The following SH3KBP1 variants were observed in gnomAD, a reference collection of about 807,000 sequenced individuals.
SH3KBP1 encodes the protein SH3 domain containing kinase binding protein 1.
In SH3KBP1, 8 loss-of-function variants were observed where a neutral mutation model predicts 50.1. The observed-to-expected ratio is 0.16, with a 90% CI of 0.09 to 0.29. The LOEUF is 0.29. Ranked by LOEUF, SH3KBP1 falls within the 10% of genes least tolerant of loss-of-function variation. The pLI is 1.00. For synonymous variants in SH3KBP1, 227 were observed against 218.6 expected (o/e 1.04, Z -0.34); for missense variants, 377 against 535.2 (o/e 0.70, Z 2.92).
chrX:19,589,346 G>A (rs1352163828), intron 11 of SH3KBP1, among the ~76,000 whole-genome samples: 1 of 111,519 alleles, frequency 9.0e-6, no homozygotes, highest in Admixed American at 9.5e-5. Context: ...AATGGCCCAC[G>A]GGACCTGCTG....
In SH3KBP1 at chrX:19,617,927, A is replaced by C. The variant is rs746445909; in HGVS notation, c.898-9882T>G. The stretch of plus-strand genomic sequence containing the variant: ...AAAAAACAAAAACAAAAACAAAAAA[A>C]CCTTAAACCAAATCTCAGTCCCTAG... On this transcript the variant is annotated intron_variant, in intron 8 of 17. Coordinates refer to ENST00000397821, the MANE Select transcript of SH3KBP1 (RefSeq NM_031892.3). Among the ~76,000 whole-genome samples, 28 of 111,556 alleles carry C rather than the reference A, an allele frequency of 2.5e-4. 1 individual carries two copies. In the South Asian group the frequency reaches 5.7e-3, roughly 23 times the overall value.
chrX:19,872,484 A>C (rs183440875), intron 1 of SH3KBP1, among the ~76,000 whole-genome samples: 1 of 109,771 alleles, frequency 9.1e-6, no homozygotes, highest in East Asian at 2.9e-4. Flanking sequence ...TAGAAGTATC[A>C]GTTGGGGCCG....
chrX:19,645,716 C>T (rs1341381136), intron 6 of SH3KBP1, among the ~76,000 whole-genome samples: 1 of 111,931 alleles, frequency 8.9e-6, no homozygotes, highest in African/African-American at 3.3e-5. Context: ...AGCGTTTATT[C>T]TCTTTCTTCC....
At chrX:19,867,189 G>A (rs2068934189) in intron 1 of SH3KBP1, among the ~76,000 whole-genome samples, 1 of 111,552 alleles carries the variant, frequency 9.0e-6, no homozygotes, top group Non-Finnish European at 1.9e-5. Context: ...AGGGAAACTA[G>A]TGCTCACAGA....
At chrX:19,542,900 G>A (rs750399905) in intron 15 of SH3KBP1, among the ~76,000 whole-genome samples, 1 of 112,033 alleles carries the variant, frequency 8.9e-6, no homozygotes, top group African/African-American at 3.2e-5. Flanking sequence ...CTAGGCGAAA[G>A]GGTGAGAGGA....
intron 14 of SH3KBP1, among the ~76,000 whole-genome samples, chrX:19,547,045 G>A (rs1374373456): frequency 1.1e-4 from 12 of 110,015 alleles, no homozygotes; most frequent in African/African-American, 3.0e-4. Context: ...CCAGCTACTC[G>A]GGAGGCTGAG....
At chrX:19,575,199 T>C (rs2066160518) in intron 12 of SH3KBP1, among the ~76,000 whole-genome samples, 2 of 112,637 alleles carry the variant, frequency 1.8e-5, no homozygotes, top group South Asian at 3.7e-4. Flanking sequence ...TGCTTGTAGC[T>C]ACTAGACGCT....
intron 8 of SH3KBP1, among the ~76,000 whole-genome samples, chrX:19,620,119 T>A (rs1216743747): frequency 1.8e-5 from 2 of 112,529 alleles, no homozygotes; most frequent in South Asian, 3.6e-4. Context: ...ATGGTAGCTA[T>A]GAGAGAAAAT....
At chrX:19,622,225 AATG>A (rs2067860764) in intron 8 of SH3KBP1, among the ~76,000 whole-genome samples, 1 of 112,424 alleles carries the variant, frequency 8.9e-6, no homozygotes, top group South Asian at 3.6e-4. Flanking sequence ...ATCAATTGGA[AATG>A]ATGCATAAAA....
intron 1 of SH3KBP1, among the ~76,000 whole-genome samples, chrX:19,843,066 T>C (rs1343296662): frequency 1.1e-5 from 1 of 90,935 alleles, no homozygotes; most frequent in Non-Finnish European, 2.1e-5. Flanking sequence ...TCCCCTGGGC[T>C]GGAGTGCAAT....
At chrX:19,818,348 T>C (rs770292524) in intron 2 of SH3KBP1, among the ~76,000 whole-genome samples, 50 of 112,574 alleles carry the variant, frequency 4.4e-4, no homozygotes, top group Non-Finnish European at 7.3e-4. Flanking sequence ...GATGTTCTAC[T>C]GGAGAATCAC....
intron 2 of SH3KBP1, chrX:19,747,599 CAA>C: frequency 2.9e-6 from 1 of 341,430 alleles, no homozygotes; most frequent in East Asian, 9.8e-5. Context: ...AAGAAAGCAA[CAA>C]AAGTTTGTCA....
chrX:19,755,798 A>G (rs2065192305), intron 2 of SH3KBP1, among the ~76,000 whole-genome samples: 2 of 112,037 alleles, frequency 1.8e-5, no homozygotes, highest in African/African-American at 6.5e-5. Context: ...CTAACCGGTT[A>G]TGTTATCTAT....
At chrX:19,697,883 A>G (rs930708602) in intron 4 of SH3KBP1, among the ~76,000 whole-genome samples, 39 of 112,077 alleles carry the variant, frequency 3.5e-4, no homozygotes, top group Non-Finnish European at 5.3e-4. Context: ...ATACAGACTT[A>G]CAGAGTGGCA....
intron 13 of SH3KBP1, among the ~76,000 whole-genome samples, chrX:19,559,503 G>A: frequency 9.4e-6 from 1 of 106,208 alleles, no homozygotes; most frequent in East Asian, 3.1e-4. Context: ...AAAGTTTTTT[G>A]TATCTTTAGT....
chrX:19,554,871 G>C (rs1293756908), intron 13 of SH3KBP1, among the ~76,000 whole-genome samples: 4 of 112,890 alleles, frequency 3.5e-5, no homozygotes, highest in Non-Finnish European at 5.6e-5. Flanking sequence ...CATAGACCAT[G>C]AACTGTAATG....
intron 3 of SH3KBP1, among the ~76,000 whole-genome samples, chrX:19,730,910 CTTTCA>C (rs1334970450): frequency 2.7e-5 from 3 of 111,929 alleles, no homozygotes; most frequent in Admixed American, 9.4e-5. Context: ...ACTCTATACA[CTTTCA>C]TTTATTTTAT....
At chrX:19,865,199 T>C (rs1463665907) in intron 1 of SH3KBP1, among the ~76,000 whole-genome samples, 1 of 112,381 alleles carries the variant, frequency 8.9e-6, no homozygotes, top group African/African-American at 3.2e-5. Flanking sequence ...TGCACCTAAG[T>C]ATGGTGATGA....
chrX:19,657,756 G>A (rs1386848825), intron 6 of SH3KBP1, among the ~76,000 whole-genome samples: 1 of 108,418 alleles, frequency 9.2e-6, no homozygotes, highest in African/African-American at 3.4e-5. Context: ...AATAATAATA[G>A]AAATTCTGAC....
Sources: allele counts gnomAD v4.1 joint callset (sites outside exome capture counted in the v4.1 genomes callset), GRCh38; gene constraint gnomAD v4.1.1; transcripts MANE v1.5; gene names NCBI Gene and HGNC (gene_info 2026-07-23, HGNC 2026-07-21).